IPO5: variants seen among roughly 807,000 people sequenced by gnomAD.
The protein encoded by IPO5 is importin-5.
IPO5 carries 18 observed loss-of-function variants against 143.3 expected under a neutral mutation model. That is an observed-to-expected ratio of 0.13 (90% confidence interval 0.09 to 0.19). IPO5 has a LOEUF of 0.19. Among genes scored for constraint, IPO5 ranks in the 10% least tolerant of loss-of-function variants. IPO5 has a pLI of 1.00. For missense variants in IPO5, 1,013 were observed against 1,336.9 expected (o/e 0.76, Z 3.78); for synonymous variants, 477 against 465.7 (o/e 1.02, Z -0.31).
chr13:97,963,498 T>C (rs1885057404), intron 2 of IPO5, among the ~76,000 whole-genome samples: 1 of 151,818 alleles, frequency 6.6e-6, no homozygotes, highest in Non-Finnish European at 1.5e-5. Context: ...GCCTCCCAAG[T>C]AGCTGGGACT....
chr13:98,009,760 C>A (rs1190604883), intron 18 of IPO5, 121 bp from the exon 19 acceptor site: 4 of 745,014 alleles, frequency 5.4e-6, no homozygotes, highest in African/African-American at 3.5e-5. Context: ...AATGCTCTTA[C>A]TGCTTAAAGT....
intron 2 of IPO5, among the ~76,000 whole-genome samples, chr13:97,956,224 C>T (rs1191968111): frequency 6.6e-6 from 1 of 151,738 alleles, no homozygotes; most frequent in Non-Finnish European, 1.5e-5. Context: ...GGAATTAATA[C>T]ATGTTTAAAG....
At chr13:97,956,158 TA>T in intron 2 of IPO5, among the ~76,000 whole-genome samples, 1 of 149,416 alleles carries the variant, frequency 6.7e-6, no homozygotes, top group African/African-American at 2.4e-5. Context: ...ACAAAAAAAG[TA>T]AAAAATAAAA....
intron 21 of IPO5, 78 bp from the exon 22 acceptor site, chr13:98,013,964 A>T: frequency 7.9e-7 from 1 of 1,272,188 alleles, no homozygotes; most frequent in Non-Finnish European, 1.1e-6. Flanking sequence ...GTTGCCTAGC[A>T]CTCCTTTTAG....
chr13:97,970,146 T>C (rs1885697713), intron 3 of IPO5, among the ~76,000 whole-genome samples: 1 of 152,234 alleles, frequency 6.6e-6, no homozygotes, highest in African/African-American at 2.4e-5. Context: ...TTAAAATTTC[T>C]AGTAGCCATA....
intron 11 of IPO5, among the ~76,000 whole-genome samples, chr13:97,995,037 A>G (rs554035708): frequency 6.7e-6 from 1 of 150,024 alleles, no homozygotes; most frequent in African/African-American, 2.4e-5. Flanking sequence ...GAGATGGAGG[A>G]TTGCTTGAGC....
intron 3 of IPO5, chr13:97,975,534 A>G (rs974019934): frequency 1.3e-5 from 2 of 152,206 alleles, no homozygotes; most frequent in Non-Finnish European, 2.9e-5. Flanking sequence ...GTCTCAACAA[A>G]AGTACCCTCT....
rs374631424 is a variant in IPO5 at position 97,972,163 on chromosome 13, C to T, written c.-5+2333C>T. Among the ~76,000 whole-genome samples the T allele has an allele frequency of 1.4e-4, 22 of 152,198 alleles. No homozygotes were observed. In the East Asian group the frequency reaches 2.7e-3, roughly 19 times the overall value. On this transcript the variant is annotated intron_variant, in intron 3 of 28. Coordinates refer to ENST00000651721, the MANE Select transcript of IPO5 (RefSeq NM_002271.6). The stretch of plus-strand genomic sequence containing the variant: ...ACCAAGATAAGGAGTCATAGAGACC[C>T]GAGACAACTTAAAACAAAATTAGAT...
intron 12 of IPO5, among the ~76,000 whole-genome samples, chr13:97,999,388 C>G (rs958966079): frequency 2.6e-5 from 4 of 152,108 alleles, no homozygotes; most frequent in African/African-American, 9.7e-5. Flanking sequence ...GTCGAATTTC[C>G]TTTTTGGTTC....
chr13:97,980,883 A>G (rs1834489632), intron 4 of IPO5, among the ~76,000 whole-genome samples: 1 of 151,714 alleles, frequency 6.6e-6, no homozygotes, highest in African/African-American at 2.4e-5. Flanking sequence ...TGAAAATTTA[A>G]GTGTTAAACA....
intron 3 of IPO5, among the ~76,000 whole-genome samples, chr13:97,973,917 C>T (rs1317332674): frequency 6.6e-6 from 1 of 151,856 alleles, no homozygotes; most frequent in African/African-American, 2.4e-5. Flanking sequence ...AAACTGGAAA[C>T]ATTAGCCAGG....
chr13:98,006,633 C>G (rs1889280030), intron 17 of IPO5, among the ~76,000 whole-genome samples: 1 of 151,956 alleles, frequency 6.6e-6, no homozygotes, highest in East Asian at 1.9e-4. Flanking sequence ...CTCGGCCTCC[C>G]AGAGTGCTGG....
At chr13:97,963,512 G>T (rs1231427357) in intron 2 of IPO5, among the ~76,000 whole-genome samples, 1 of 151,898 alleles carries the variant, frequency 6.6e-6, no homozygotes, top group Admixed American at 6.6e-5. Context: ...TGGGACTACA[G>T]GCATGCACCC....
Position 97,989,062 on chromosome 13 carries a change from A to T in IPO5, c.365A>T (p.Asp122Val). 1 of 1,592,198 alleles carries T rather than the reference A, an allele frequency of 6.3e-7. No individual in the cohort carries two copies. The highest frequency in any genetic ancestry group is 8.6e-7 in the Non-Finnish European group (1 of 1,160,820). ...TATGTCTGGATTTCTTTACTTTCAGATGAGGATGGCAATAACCAGTGGCCC... is the reference window on the plus strand; with the variant it reads ...TATGTCTGGATTTCTTTACTTTCAGTTGAGGATGGCAATAACCAGTGGCCC... Reference protein sequence around the residue: ...IAAELARNLIDEDGNNQWPEG... With the variant: ...IAAELARNLIVEDGNNQWPEG... The change falls in exon 7 of 29, where the codon GAT becomes GTT. Residue 122 changes from aspartate (D) to valine (V), a missense_variant and splice_region_variant. By Grantham distance (152) the Asp-to-Val change is radical. Around this residue, in one of 2 missense-constraint regions of IPO5, gnomAD observed 328 missense variants for 342.0 expected, o/e 0.96. Transcript: ENST00000651721.
intron 1 of IPO5, 136 bp from the exon 2 acceptor site, chr13:97,953,983 C>A (rs542451797): frequency 2.2e-6 from 1 of 449,476 alleles, no homozygotes; most frequent in Non-Finnish European, 4.5e-6. Flanking sequence ...TTGTGCCTTA[C>A]GTGAGCTGGG....
Position 98,019,738 on chromosome 13 carries a change from T to A in IPO5, c.2994T>A (p.Ser998=). Residue 998 remains serine, a synonymous_variant, in exon 27 of 29, where the codon TCT becomes TCA. Coordinates refer to ENST00000651721, the MANE Select transcript of IPO5 (RefSeq NM_002271.6). The part of the protein sequence containing the change: ...NVEEVLPHWL[S]WLPLHEDKEE... Reference sequence around the variant, plus strand: ...AAGAGGTCCTTCCACACTGGTTGTCTTGGCTTCCACTACATGAAGATAAAG... The same window carrying A: ...AAGAGGTCCTTCCACACTGGTTGTCATGGCTTCCACTACATGAAGATAAAG... 6.2e-7 allele frequency: 1 copy of A among 1,614,152 alleles called. No homozygotes were observed. Among genetic ancestry groups the A allele is most frequent in the Non-Finnish European group, 8.5e-7 (1 of 1,179,978 alleles).
At chr13:98,019,041 C>T (rs1215403620) in intron 26 of IPO5, among the ~76,000 whole-genome samples, 4 of 151,952 alleles carry the variant, frequency 2.6e-5, no homozygotes, top group African/African-American at 9.7e-5. Flanking sequence ...CTGCAACCTC[C>T]GCCTCCCGGG....
At chr13:98,014,590 A>C (rs1304176625) in intron 22 of IPO5, among the ~76,000 whole-genome samples, 4 of 152,338 alleles carry the variant, frequency 2.6e-5, no homozygotes, top group Admixed American at 2.0e-4. Flanking sequence ...TTAAAAAATA[A>C]AAATGTTAAA....
At chr13:97,979,785 CAA>C (rs1886691447) in intron 4 of IPO5, 2 of 422,750 alleles carry the variant, frequency 4.7e-6, no homozygotes, top group East Asian at 7.0e-5. Flanking sequence ...TCCCATCTCC[CAA>C]AGTGTTGGAA....
Sources: gnomAD v4.1 joint callset for allele counts (sites outside exome capture counted in the v4.1 genomes callset) on GRCh38, gnomAD v4.1.1 for gene constraint, gnomAD v4.1.1 regional missense constraint, MANE v1.5 for transcripts, NCBI Gene and HGNC (gene_info 2026-07-23, HGNC 2026-07-21) for gene names.